The following RPAP3 variants were observed in gnomAD, a reference collection of about 807,000 sequenced individuals.
RPAP3 encodes RNA polymerase II associated protein 3.
A neutral mutation model predicts 88.8 loss-of-function variants in RPAP3; 58 were observed. That is an observed-to-expected ratio of 0.65 (90% CI 0.53 to 0.81). The LOEUF (loss-of-function observed/expected upper bound fraction) is 0.81, where lower values mean the gene tolerates loss of function less well. Ranked by LOEUF, RPAP3 falls within the 40% of genes least tolerant of loss-of-function variation. The probability of loss-of-function intolerance (pLI) is 0.00; values close to 1 mark genes in which losing one functional copy is unlikely to be tolerated. For missense variants in RPAP3, 751 were observed against 764.3 expected (o/e 0.98, Z 0.20); for synonymous variants, 255 against 259.9 (o/e 0.98, Z 0.18).
At chr12:47,680,629 G>A (rs1939204312) in intron 10 of RPAP3, among the ~76,000 whole-genome samples, 2 of 151,616 alleles carry the variant, frequency 1.3e-5, no homozygotes, top group African/African-American at 4.8e-5. Flanking sequence ...AAAGAAAGTT[G>A]AAGGAATAAA....
intron 3 of RPAP3, chr12:47,701,173 C>A: frequency 5.0e-6 from 1 of 199,966 alleles, no homozygotes; most frequent in Non-Finnish European, 1.0e-5. Context: ...ATGAAGAGCA[C>A]ACTGGATAAA....
intron 2 of RPAP3, among the ~76,000 whole-genome samples, chr12:47,701,951 A>G (rs774541976): frequency 3.3e-5 from 5 of 152,344 alleles, no homozygotes; most frequent in African/African-American, 7.2e-5. Flanking sequence ...AACTGCCTCC[A>G]TATTATGTAC....
chr12:47,674,199 G>C (rs1048887287), intron 12 of RPAP3, among the ~76,000 whole-genome samples: 1 of 151,870 alleles, frequency 6.6e-6, no homozygotes, highest in African/African-American at 2.4e-5. Flanking sequence ...AGCTCCCAGC[G>C]TGATCAACGC....
chr12:47,686,545 T>TACACACACACACACACACACACAC (rs59485150), intron 9 of RPAP3, among the ~76,000 whole-genome samples: 1 of 145,344 alleles, frequency 6.9e-6, no homozygotes, highest in Non-Finnish European at 1.5e-5. Flanking sequence ...CACATACACA[T>TACACACACACACACACACACACAC]ACACACACAC....
At chr12:47,687,764 C>T in intron 8 of RPAP3, 112 bp downstream of exon 8, 1 of 1,282,838 alleles carries the variant, frequency 7.8e-7, no homozygotes, top group South Asian at 1.8e-5. Flanking sequence ...TTCCCAATTC[C>T]TACTCAAGCA....
chr12:47,695,581 A>C (rs1939509493), intron 5 of RPAP3, among the ~76,000 whole-genome samples: 1 of 152,158 alleles, frequency 6.6e-6, no homozygotes, highest in Non-Finnish European at 1.5e-5. Flanking sequence ...TATTCTCTGT[A>C]ATTTATGTAT....
intron 3 of RPAP3, chr12:47,700,136 G>T (rs917128135): frequency 6.6e-6 from 1 of 151,722 alleles, no homozygotes; most frequent in Non-Finnish European, 1.5e-5. Context: ...TCTGTATCTT[G>T]ATCCAAACAG....
intron 11 of RPAP3, 46 bp downstream of exon 11, chr12:47,679,656 TTA>T: frequency 1.3e-6 from 2 of 1,534,022 alleles, no homozygotes; most frequent in Non-Finnish European, 1.8e-6. Flanking sequence ...ATAAATATAT[TTA>T]TGTTTCAGAA....
chr12:47,692,907 C>T (rs1939455130), intron 5 of RPAP3, among the ~76,000 whole-genome samples: 2 of 152,108 alleles, frequency 1.3e-5, no homozygotes, highest in South Asian at 2.1e-4. Context: ...TGAGACAGAG[C>T]GTCACTCTCT....
chr12:47,669,212 CT>C (rs1938945503), intron 13 of RPAP3, 110 bp from the exon 14 acceptor site: 1 of 646,528 alleles, frequency 1.5e-6, no homozygotes, highest in African/African-American at 1.9e-5. Context: ...ATTGTATTAT[CT>C]ATTTGTATTA....
chr12:47,704,669 C>T (rs1490071170), intron 1 of RPAP3, among the ~76,000 whole-genome samples: 2 of 151,774 alleles, frequency 1.3e-5, no homozygotes, highest in Admixed American at 6.6e-5. Context: ...TGAGCCACCG[C>T]GCCTGACCTC....
chr12:47,663,849 C>T (rs2136600829), intron 16 of RPAP3, among the ~76,000 whole-genome samples: 1 of 152,320 alleles, frequency 6.6e-6, no homozygotes, highest in East Asian at 1.9e-4. Flanking sequence ...ATTAATCTTG[C>T]AGATTAAACT....
chr12:47,702,642 T>C (rs749812279), intron 2 of RPAP3, 46 bp downstream of exon 2: 2 of 1,431,436 alleles, frequency 1.4e-6, no homozygotes, highest in South Asian at 1.4e-5. Context: ...GCTTTATTTT[T>C]ATAAAATTAG....
At chr12:47,690,438 T>A in intron 6 of RPAP3, 80 bp downstream of exon 6, 1 of 1,172,904 alleles carries the variant, frequency 8.5e-7, no homozygotes, top group Non-Finnish European at 1.1e-6. Context: ...AGGTAGTAAC[T>A]GTGATTACTC....
intron 4 of RPAP3, among the ~76,000 whole-genome samples, chr12:47,696,653 T>C (rs991476921): frequency 2.0e-5 from 3 of 152,020 alleles, no homozygotes; most frequent in African/African-American, 7.3e-5. Flanking sequence ...ATGACAAAGA[T>C]GAAGACTTTA....
At chr12:47,703,779 T>C (rs1398328660) in intron 1 of RPAP3, among the ~76,000 whole-genome samples, 1 of 152,184 alleles carries the variant, frequency 6.6e-6, no homozygotes, top group Non-Finnish European at 1.5e-5. Context: ...CCATGAGGTC[T>C]AACCTATATT....
chr12:47,692,742 G>A (rs1213447849), intron 5 of RPAP3, among the ~76,000 whole-genome samples: 1 of 152,180 alleles, frequency 6.6e-6, no homozygotes, highest in East Asian at 1.9e-4. Context: ...TGGCACAAGA[G>A]GCCTAGCTTT....
At chr12:47,694,592 G>A (rs1939487095) in intron 5 of RPAP3, among the ~76,000 whole-genome samples, 2 of 150,640 alleles carry the variant, frequency 1.3e-5, no homozygotes, top group Admixed American at 1.3e-4. Context: ...TAGTTATTAT[G>A]GAAAAGACCA....
intron 9 of RPAP3, among the ~76,000 whole-genome samples, chr12:47,686,528 A>T (rs1939323954): frequency 7.9e-6 from 1 of 126,530 alleles, no homozygotes; most frequent in Non-Finnish European, 1.6e-5. Flanking sequence ...ACAGGTACAT[A>T]AACACACACA....
Sources: gnomAD v4.1 joint callset for allele counts (sites outside exome capture counted in the v4.1 genomes callset) on GRCh38, gnomAD v4.1.1 for gene constraint, MANE v1.5 for transcripts, NCBI Gene and HGNC (gene_info 2026-07-23, HGNC 2026-07-21) for gene names.